The following UGT1A8 variants were observed in gnomAD, a reference collection of about 807,000 sequenced individuals.
UGT1A8 encodes UDP-glucuronosyltransferase 1A8.
Under a neutral mutation model 45.3 loss-of-function variants are expected in UGT1A8, and 39 were observed. The ratio of observed to expected loss-of-function variants is 0.86; its 90% CI spans 0.67 to 1.12. The LOEUF (loss-of-function observed/expected upper bound fraction) is 1.12, where lower values mean the gene tolerates loss of function less well. Among genes scored for constraint, UGT1A8 ranks in the 50% most tolerant of loss-of-function variants. The pLI, the probability that UGT1A8 is intolerant of heterozygous loss-of-function variation, is 0.00. For missense variants in UGT1A8, 719 were observed against 664.9 expected, an observed-to-expected ratio of 1.08 and a Z score of -0.90; for synonymous variants, 275 against 249.2, an observed-to-expected ratio of 1.10 and a Z score of -0.97.
chr2:233,748,637 G>C (rs1693996531), intron 1 of UGT1A8, among the ~76,000 whole-genome samples: 1 of 151,746 alleles, frequency 6.6e-6, no homozygotes, highest in South Asian at 2.1e-4. Flanking sequence ...TGTGATTATA[G>C]AATTACACAC....
At chr2:233,619,963 C>T (rs2072970865) in intron 1 of UGT1A8, among the ~76,000 whole-genome samples, 1 of 152,090 alleles carries the variant, frequency 6.6e-6, no homozygotes, top group African/African-American at 2.4e-5. Context: ...TTGAAAAATA[C>T]CAGAATAAGA....
chr2:233,759,557 C>T (rs1697172001), intron 1 of UGT1A8, among the ~76,000 whole-genome samples: 1 of 152,070 alleles, frequency 6.6e-6, no homozygotes, highest in South Asian at 2.1e-4. Context: ...AGTGAATTTC[C>T]CTTTCTGGTC....
At chr2:233,748,157 C>A in intron 1 of UGT1A8, 2 of 1,600,820 alleles carry the variant, frequency 1.2e-6, no homozygotes, top group Non-Finnish European at 1.7e-6. Context: ...ACAATTGCTT[C>A]CATATCTACT....
intron 1 of UGT1A8, among the ~76,000 whole-genome samples, chr2:233,757,266 G>A (rs1402827144): frequency 1.5e-5 from 2 of 132,588 alleles, no homozygotes; most frequent in African/African-American, 5.6e-5. Context: ...GGTGGCAGCC[G>A]ATGCAATGAT....
At chr2:233,666,727 C>T (rs1432952761) in intron 1 of UGT1A8, among the ~76,000 whole-genome samples, 2 of 151,740 alleles carry the variant, frequency 1.3e-5, no homozygotes, top group African/African-American at 4.8e-5. Flanking sequence ...TATACATGTG[C>T]CATGTTGGTG....
chr2:233,772,849 C>T lies in UGT1A8; in HGVS notation c.*290C>T, dbSNP rs1021003584. The T allele has an allele frequency of 7.7e-6, 6 of 777,596 alleles. No individual in the cohort carries two copies. In the African/African-American group the frequency reaches 8.9e-5, roughly 11 times the overall value. 48.2% of individuals were successfully genotyped at this position (777,596 alleles called of 1,614,324 possible). On this transcript the variant is annotated 3_prime_UTR_variant, in exon 5 of 5. Transcript: ENST00000373450. ...CTGGCATTCTAGATTACTTTTCTTACTCTGAAACATGGCCTGTTTGGGAGT... is the reference window on the plus strand; with the variant it reads ...CTGGCATTCTAGATTACTTTTCTTATTCTGAAACATGGCCTGTTTGGGAGT...
intron 1 of UGT1A8, among the ~76,000 whole-genome samples, chr2:233,703,256 A>G (rs1298861474): frequency 6.6e-6 from 1 of 152,138 alleles, no homozygotes; most frequent in Non-Finnish European, 1.5e-5. Context: ...GTGTTCCCTT[A>G]TAATACTTTC....
At chr2:233,719,662 G>C (rs769254543) in intron 1 of UGT1A8, 50 of 1,613,974 alleles carry the variant, frequency 3.1e-5, no homozygotes, top group Non-Finnish European at 4.0e-5. Context: ...GGCATCAACT[G>C]TGCCAACGGG....
At chr2:233,718,697 C>T (rs2125661774) in intron 1 of UGT1A8, 1 of 1,595,942 alleles carries the variant, frequency 6.3e-7, no homozygotes, top group Non-Finnish European at 8.5e-7. Flanking sequence ...GAGGAGGGCA[C>T]TTTGTCTTCC....
intron 1 of UGT1A8, among the ~76,000 whole-genome samples, chr2:233,705,146 AAAAG>A (rs908627125): frequency 7.2e-5 from 11 of 152,126 alleles, no homozygotes; most frequent in African/African-American, 2.2e-4. Flanking sequence ...GAAAAAAAAA[AAAAG>A]AGAGAGAGAG....
At chr2:233,644,450 C>G (rs897600926) in intron 1 of UGT1A8, among the ~76,000 whole-genome samples, 12 of 152,040 alleles carry the variant, frequency 7.9e-5, no homozygotes, top group African/African-American at 2.9e-4. Flanking sequence ...TGCCGGTAAT[C>G]CCAGCTACTC....
At position 233,740,170 on chromosome 2, in the gene UGT1A8, T is replaced by C. The variant is rs191572005; in HGVS notation, c.856-26864T>C. ...TGAGGCCTCCCCAGTCATGTGGAAC[T>C]GTGAGTCAATTAAACCTCTTTCTTT... On this transcript the variant is annotated intron_variant, in intron 1 of 4. Transcript: ENST00000373450. Among the ~76,000 whole-genome samples the C allele has an allele frequency of 5.3e-5, 8 of 151,994 alleles. No individual in the cohort carries two copies. The East Asian group carries it at 1.5e-3, about 29-fold the overall frequency.
At chr2:233,668,287 T>C (rs928624388) in intron 1 of UGT1A8, among the ~76,000 whole-genome samples, 4 of 152,180 alleles carry the variant, frequency 2.6e-5, no homozygotes, top group African/African-American at 9.7e-5. Flanking sequence ...ATCCCACCTA[T>C]GAGTGAGAAC....
intron 1 of UGT1A8, among the ~76,000 whole-genome samples, chr2:233,762,570 C>A (rs1698104527): frequency 6.6e-6 from 1 of 152,154 alleles, no homozygotes; most frequent in South Asian, 2.1e-4. Flanking sequence ...TAGTCTAGTT[C>A]CCCACAGAGG....
intron 1 of UGT1A8, among the ~76,000 whole-genome samples, chr2:233,749,628 C>A (rs1475485120): frequency 6.6e-6 from 1 of 151,798 alleles, no homozygotes; most frequent in Non-Finnish European, 1.5e-5. Context: ...GGCTCTGTAT[C>A]CCCCACCAAA....
At chr2:233,722,496 C>T (rs1266204895) in intron 1 of UGT1A8, among the ~76,000 whole-genome samples, 2 of 152,048 alleles carry the variant, frequency 1.3e-5, no homozygotes, top group African/African-American at 4.8e-5. Context: ...TTTCATTTTC[C>T]GTTTCGTTAA....
rs1321809873 is a variant in UGT1A8 at position 233,772,307 on chromosome 2, C to T, written c.1341C>T (p.Arg447=). The change falls in exon 5 of 5, where the codon CGC becomes CGT. Residue 447 remains arginine (R), a synonymous_variant. Coordinates refer to ENST00000373450, the MANE Select transcript of UGT1A8 (RefSeq NM_019076.5). The stretch of plus-strand genomic sequence containing the variant: ...GCCTCTCCAGCCTTCACAAGGACCG[C>T]CCGGTGGAGCCGCTGGACCTGGCCG... ...IMRLSSLHKD[R]PVEPLDLAVF... 1 of 1,614,232 alleles carries T rather than the reference C, an allele frequency of 6.2e-7. No individual in the cohort carries two copies. The highest frequency in any genetic ancestry group is 8.5e-7 in the Non-Finnish European group (1 of 1,180,050).
At chr2:233,737,003 G>T (rs560792837) in intron 1 of UGT1A8, among the ~76,000 whole-genome samples, 1 of 152,206 alleles carries the variant, frequency 6.6e-6, no homozygotes, top group African/African-American at 2.4e-5. Flanking sequence ...TCAGGGACCC[G>T]CTTGAGGAGG....
rs28969714 is a variant in UGT1A8 at position 233,682,816 on chromosome 2, A to T, written c.855+64254A>T. ...TGGTAAGTTATCTCCCCTTTAGCAC[A>T]TTAAGAATAATCTGGCTTTGGAAAT... On this transcript the variant is annotated intron_variant, in intron 1 of 4. Coordinates refer to ENST00000373450, the MANE Select transcript of UGT1A8 (RefSeq NM_019076.5). 6.5e-4 allele frequency: 1,028 copies of T among 1,580,878 alleles called. 12 individuals are homozygous for T. The African/African-American group carries it at 0.012, about 19-fold the overall frequency.
Sources: gnomAD v4.1 joint callset for allele counts (sites outside exome capture counted in the v4.1 genomes callset) on GRCh38, gnomAD v4.1.1 for gene constraint, MANE v1.5 for transcripts, NCBI Gene and HGNC (gene_info 2026-07-23, HGNC 2026-07-21) for gene names.